The following GPC6 variants were observed in gnomAD, a reference collection of about 807,000 sequenced individuals.
GPC6 encodes the protein glypican 6, also known as glypican-6.
Under a neutral mutation model 55.2 loss-of-function variants are expected in GPC6, and 14 were observed. The ratio of observed to expected loss-of-function variants is 0.25; its 90% CI spans 0.17 to 0.40. The LOEUF (loss-of-function observed/expected upper bound fraction) is 0.40. GPC6 is among the 10% of genes least tolerant of loss of function. GPC6 has a pLI of 1.00. For missense variants in GPC6, 641 were observed against 708.5 expected (o/e 0.90, Z 1.08); for synonymous variants, 278 against 259.6 (o/e 1.07, Z -0.68).
At chr13:93,296,839 C>G (rs935811587) in intron 1 of GPC6, among the ~76,000 whole-genome samples, 7 of 152,186 alleles carry the variant, frequency 4.6e-5, no homozygotes, top group Non-Finnish European at 1.0e-4. Flanking sequence ...GTGAATGCCT[C>G]AGGTACGAGG....
chr13:93,965,182 C>T lies in GPC6; in HGVS notation c.712-62547C>T, dbSNP rs1296603760. On this transcript the variant is annotated intron_variant, in intron 3 of 8. Coordinates refer to ENST00000377047, the MANE Select transcript of GPC6 (RefSeq NM_005708.5). ...AATAACCACGATTGGGAGGCTGATG[C>T]GGGCAGATCACACGGTCAGGAGATT... Among the ~76,000 whole-genome samples the T allele has an allele frequency of 3.3e-5, 4 of 121,958 alleles. No homozygotes were observed. In the East Asian group the frequency reaches 8.3e-4, roughly 25 times the overall value. 80.0% of individuals were successfully genotyped at this position (121,958 alleles called of 152,430 possible).
intron 2 of GPC6, among the ~76,000 whole-genome samples, chr13:93,606,571 G>A (rs866825152): frequency 6.6e-6 from 1 of 152,244 alleles, no homozygotes; most frequent in African/African-American, 2.4e-5. Context: ...TTAACCATAG[G>A]ACAGTGCACA....
At chr13:93,929,183 C>G (rs544131739) in intron 3 of GPC6, among the ~76,000 whole-genome samples, 3 of 152,112 alleles carry the variant, frequency 2.0e-5, no homozygotes, top group Non-Finnish European at 4.4e-5. Flanking sequence ...GGTCAAAAGC[C>G]AGAAAGTCAG....
chr13:93,307,467 G>A (rs1014449960), intron 1 of GPC6, among the ~76,000 whole-genome samples: 1 of 152,018 alleles, frequency 6.6e-6, no homozygotes, highest in Non-Finnish European at 1.5e-5. Flanking sequence ...TGTGCAAGGG[G>A]AAAAGTTAAA....
At chr13:94,232,506 A>G (rs983987326) in intron 4 of GPC6, among the ~76,000 whole-genome samples, 1 of 148,974 alleles carries the variant, frequency 6.7e-6, no homozygotes, top group Non-Finnish European at 1.5e-5. Context: ...TACCAAAGCA[A>G]TTGCCCCCCT....
chr13:94,365,345 A>AT, intron 6 of GPC6, among the ~76,000 whole-genome samples: 1 of 152,280 alleles, frequency 6.6e-6, no homozygotes, highest in Non-Finnish European at 1.5e-5. Flanking sequence ...ATCTCATCCT[A>AT]TTGTTCCTAG....
chr13:94,284,694 G>C (rs1892481287), intron 4 of GPC6, among the ~76,000 whole-genome samples: 1 of 151,834 alleles, frequency 6.6e-6, no homozygotes, highest in Non-Finnish European at 1.5e-5. Flanking sequence ...TTTTATCTGA[G>C]CTTTTCTAAG....
At chr13:94,322,001 C>T (rs1408727808) in intron 6 of GPC6, among the ~76,000 whole-genome samples, 1 of 152,188 alleles carries the variant, frequency 6.6e-6, no homozygotes, top group East Asian at 1.9e-4. Context: ...GAAAGATTCT[C>T]CTTCGTACAT....
At chr13:93,868,879 A>G (rs1040958925) in intron 3 of GPC6, among the ~76,000 whole-genome samples, 2 of 151,778 alleles carry the variant, frequency 1.3e-5, no homozygotes, top group South Asian at 4.1e-4. Flanking sequence ...ATTTCTCTCT[A>G]TTCCCTTTCC....
chr13:93,633,635 CAAATAAATAAATAAATAAATAAAT>C (rs10656000), intron 2 of GPC6, among the ~76,000 whole-genome samples: 1 of 147,058 alleles, frequency 6.8e-6, no homozygotes, highest in Non-Finnish European at 1.5e-5. Context: ...GACTCTGTCT[CAAATAAATAAATAAATAAATAAAT>C]AAATAAATAA....
rs1566300613 is a variant in GPC6, at chr13:93,326,455, C to CGCACAT, written c.160+98844_160+98845insTGCACA. ...CTCTCTCTGGCTACACACACGCACA[C>CGCACAT]GCACACACACACACGTGTACGCAGT... is the stretch of plus-strand genomic sequence containing the variant. On this transcript the variant is annotated intron_variant, in intron 1 of 8. Transcript: ENST00000377047. Among the ~76,000 whole-genome samples the CGCACAT allele has an allele frequency of 1.2e-4, 18 of 152,118 alleles. No homozygotes were observed. In the South Asian group the frequency reaches 3.7e-3, roughly 32 times the overall value.
At chr13:93,554,296 G>A (rs1260916361) in intron 2 of GPC6, among the ~76,000 whole-genome samples, 4 of 152,146 alleles carry the variant, frequency 2.6e-5, no homozygotes, top group South Asian at 4.1e-4. Context: ...TACAGAGCAC[G>A]TCATTTTCAA....
At chr13:94,204,518 G>A (rs994644806) in intron 4 of GPC6, among the ~76,000 whole-genome samples, 2 of 152,050 alleles carry the variant, frequency 1.3e-5, no homozygotes, top group East Asian at 1.9e-4. Context: ...ATAAAAATAC[G>A]GAGGTATTTT....
chr13:93,874,045 G>A (rs9589860), intron 3 of GPC6, among the ~76,000 whole-genome samples: 9,962 of 151,948 alleles, frequency 0.066, 1,033 homozygotes, highest in African/African-American at 0.22. Context: ...TTGTCTGGCA[G>A]CCAGATTTTA....
intron 4 of GPC6, among the ~76,000 whole-genome samples, chr13:94,183,570 G>GT (rs765811969): frequency 3.5e-4 from 53 of 152,220 alleles, no homozygotes; most frequent in Admixed American, 6.5e-4. Context: ...ATGCTCTGGG[G>GT]TACATACCTA....
chr13:93,352,138 A>G (rs567449525), intron 1 of GPC6, among the ~76,000 whole-genome samples: 1 of 152,276 alleles, frequency 6.6e-6, no homozygotes, highest in East Asian at 1.9e-4. Flanking sequence ...GGTGATAAGA[A>G]TATTTTGGAA....
intron 2 of GPC6, among the ~76,000 whole-genome samples, chr13:93,771,591 C>A (rs1885296988): frequency 6.6e-6 from 1 of 152,028 alleles, no homozygotes; most frequent in Non-Finnish European, 1.5e-5. Context: ...TCCTCATTTG[C>A]CATTTTAAAA....
At chr13:94,167,323 G>A (rs547308830) in intron 4 of GPC6, among the ~76,000 whole-genome samples, 6 of 152,244 alleles carry the variant, frequency 3.9e-5, no homozygotes, top group Admixed American at 6.5e-5. Flanking sequence ...GCAAGAGGGC[G>A]TGTCCCAAGT....
chr13:93,321,702 A>G (rs1328064353), intron 1 of GPC6, among the ~76,000 whole-genome samples: 1 of 152,246 alleles, frequency 6.6e-6, no homozygotes, highest in Non-Finnish European at 1.5e-5. Flanking sequence ...AGAAAATATC[A>G]GTAAATACAC....
Sources: allele counts gnomAD v4.1 joint callset (sites outside exome capture counted in the v4.1 genomes callset), GRCh38; gene constraint gnomAD v4.1.1; transcripts MANE v1.5; gene names NCBI Gene and HGNC (gene_info 2026-07-23, HGNC 2026-07-21).